Variants in SCAI observed in about 807,000 individuals in gnomAD.
SCAI encodes suppressor of cancer cell invasion, also known as protein SCAI.
In SCAI, 24 loss-of-function variants were observed where a neutral mutation model predicts 92.2. That is an observed-to-expected ratio of 0.26 (90% confidence interval 0.19 to 0.37). The LOEUF (loss-of-function observed/expected upper bound fraction) is 0.37, where lower values mean the gene tolerates loss of function less well. Ranked by LOEUF, SCAI falls within the 10% of genes least tolerant of loss-of-function variation. SCAI has a pLI of 1.00. For synonymous variants in SCAI, 261 were observed against 258.6 expected (o/e 1.01, Z -0.09); for missense variants, 450 against 736.2 (o/e 0.61, Z 4.50).
intron 2 of SCAI, among the ~76,000 whole-genome samples, chr9:125,110,934 T>A (rs1334029364): frequency 6.6e-6 from 1 of 152,176 alleles, no homozygotes; most frequent in Admixed American, 6.6e-5. Flanking sequence ...TGTGGAACCG[T>A]GAACCAATTA....
chr9:125,029,610 C>G, intron 4 of SCAI, 34 bp downstream of exon 4: 40 of 1,275,626 alleles, frequency 3.1e-5, no homozygotes, highest in Non-Finnish European at 4.2e-5. Flanking sequence ...ACAAAACAGG[C>G]CTTCACTCTC....
At chr9:125,098,694 C>T (rs1564412347) in intron 2 of SCAI, among the ~76,000 whole-genome samples, 2 of 152,158 alleles carry the variant, frequency 1.3e-5, no homozygotes, top group Non-Finnish European at 1.5e-5. Flanking sequence ...AGATGTGTGA[C>T]AGAACTTCTG....
intron 3 of SCAI, among the ~76,000 whole-genome samples, chr9:125,033,921 CATT>C (rs780694690): frequency 6.6e-5 from 10 of 152,150 alleles, no homozygotes; most frequent in Non-Finnish European, 1.3e-4. Context: ...GAAGAAATAT[CATT>C]ATTATATGAA....
At chr9:125,042,858 C>CTTTTTTTT (rs770118712) in intron 3 of SCAI, among the ~76,000 whole-genome samples, 2 of 50,994 alleles carry the variant, frequency 3.9e-5, no homozygotes, top group African/African-American at 8.1e-5. Context: ...TGCTCCCTGG[C>CTTTTTTTT]TTTTTTTTTT....
chr9:125,123,058 C>T (rs1041082878), intron 2 of SCAI, among the ~76,000 whole-genome samples: 1 of 152,134 alleles, frequency 6.6e-6, no homozygotes, highest in African/African-American at 2.4e-5. Flanking sequence ...GCTTGCTTAT[C>T]TATTGTTAGA....
intron 17 of SCAI, among the ~76,000 whole-genome samples, chr9:124,956,884 A>T (rs1385371467): frequency 6.6e-6 from 1 of 152,208 alleles, no homozygotes; most frequent in African/African-American, 2.4e-5. Flanking sequence ...TTTTTGTTTA[A>T]GGATGGATGA....
chr9:124,996,711 C>A (rs1381870991), intron 13 of SCAI, among the ~76,000 whole-genome samples: 1 of 151,958 alleles, frequency 6.6e-6, no homozygotes, highest in Non-Finnish European at 1.5e-5. Context: ...CTCACTGCAA[C>A]CTCCGCCTCC....
intron 17 of SCAI, among the ~76,000 whole-genome samples, chr9:124,953,554 A>C (rs1461364084): frequency 2.6e-5 from 4 of 152,048 alleles, no homozygotes; most frequent in African/African-American, 9.7e-5. Flanking sequence ...TGAACCCGGG[A>C]GGCGGAGGTT....
intron 14 of SCAI, among the ~76,000 whole-genome samples, chr9:124,977,701 A>G (rs570087523): frequency 2.0e-5 from 3 of 152,306 alleles, no homozygotes; most frequent in South Asian, 4.1e-4. Context: ...AAAACAAAAC[A>G]TAACAGAAGA....
intron 2 of SCAI, among the ~76,000 whole-genome samples, chr9:125,058,225 G>A (rs1223905088): frequency 6.6e-6 from 1 of 151,722 alleles, no homozygotes; most frequent in Non-Finnish European, 1.5e-5. Context: ...TCTGTGGATT[G>A]AAACTGGGCC....
intron 3 of SCAI, among the ~76,000 whole-genome samples, chr9:125,037,057 T>C (rs192111177): frequency 6.6e-6 from 1 of 152,014 alleles, no homozygotes; most frequent in African/African-American, 2.4e-5. Flanking sequence ...TCACCTGAGG[T>C]CAGGAGTTCG....
chr9:125,114,210 T>TA, intron 2 of SCAI, among the ~76,000 whole-genome samples: 1 of 152,310 alleles, frequency 6.6e-6, no homozygotes, highest in African/African-American at 2.4e-5. Context: ...TTCCTTTCAA[T>TA]AATGTCACAT....
At chr9:125,083,141 A>G (rs560352916) in intron 2 of SCAI, among the ~76,000 whole-genome samples, 2 of 152,176 alleles carry the variant, frequency 1.3e-5, no homozygotes, top group African/African-American at 2.4e-5. Flanking sequence ...ATGACAGACA[A>G]TAAGTCTCAA....
chr9:125,138,249 C>CTTTTTTTTTT (rs10570060), intron 2 of SCAI, among the ~76,000 whole-genome samples: 3 of 104,196 alleles, frequency 2.9e-5, no homozygotes, highest in East Asian at 3.1e-4. Context: ...ACTATTATTT[C>CTTTTTTTTTT]TTTTTTTTTT....
At chr9:125,076,038 G>C (rs903761941) in intron 2 of SCAI, among the ~76,000 whole-genome samples, 1 of 152,132 alleles carries the variant, frequency 6.6e-6, no homozygotes, top group Admixed American at 6.6e-5. Context: ...ACAAAGATGA[G>C]AGCAACAGTG....
chr9:125,138,800 T>C (rs974221978), intron 2 of SCAI, among the ~76,000 whole-genome samples: 3 of 152,132 alleles, frequency 2.0e-5, no homozygotes, highest in Admixed American at 2.0e-4. Context: ...CTGCCCACCT[T>C]GACCTCCCAA....
In SCAI at chr9:125,003,760, T is replaced by G. The variant is rs1167731302; in HGVS notation, c.862-190A>C. ...GAAGAATTCTACAGTGACATCCATA[T>G]GTTCATCATCTAGATCCTATAATAA... is the stretch of plus-strand genomic sequence containing the variant. On this transcript the variant is annotated intron_variant, in intron 9 of 17. Transcript: ENST00000336505. The G allele has an allele frequency of 1.0e-5, 6 of 579,166 alleles. No individual in the cohort carries two copies. In the East Asian group the frequency reaches 1.7e-4, roughly 16 times the overall value. The allele number at this position is 579,166 out of a possible 1,614,324, so 35.9% of individuals were successfully genotyped here. A position where few individuals can be genotyped will look rare whatever the true frequency, so the allele number is the denominator to read the frequency against.
intron 14 of SCAI, among the ~76,000 whole-genome samples, chr9:124,978,283 A>C (rs911678051): frequency 6.6e-6 from 1 of 152,170 alleles, no homozygotes; most frequent in Non-Finnish European, 1.5e-5. Flanking sequence ...TCCACTAAAA[A>C]TACAAAAATT....
intron 15 of SCAI, among the ~76,000 whole-genome samples, chr9:124,972,279 G>T (rs932186440): frequency 6.6e-6 from 1 of 151,998 alleles, no homozygotes; most frequent in Admixed American, 6.6e-5. Context: ...ATACATTGCT[G>T]ACTGCTCTCA....
Sources: allele counts gnomAD v4.1 joint callset (sites outside exome capture counted in the v4.1 genomes callset), GRCh38; gene constraint gnomAD v4.1.1; transcripts MANE v1.5; gene names NCBI Gene and HGNC (gene_info 2026-07-23, HGNC 2026-07-21).